The following ATP13A2 variants were observed in gnomAD, a reference collection of about 807,000 sequenced individuals.
The protein encoded by ATP13A2 is polyamine-transporting ATPase 13A2.
ATP13A2 carries 83 observed loss-of-function variants against 138.3 expected under a neutral mutation model. The ratio of observed to expected loss-of-function variants is 0.60; its 90% CI spans 0.50 to 0.72. The LOEUF is 0.72. ATP13A2 is among the 30% of genes least tolerant of loss of function. The pLI is 0.00. For missense variants in ATP13A2, 1,402 were observed against 1,606.4 expected (o/e 0.87, Z 2.17); for synonymous variants, 663 against 699.0 (o/e 0.95, Z 0.81).
chr1:16,996,703 A>G (rs2076602), intron 12 of ATP13A2: 2 of 621,234 alleles, frequency 3.2e-6, no homozygotes, highest in Non-Finnish European at 5.7e-6. Flanking sequence ...GATAGCATCT[A>G]AACACTGGGT....
chr1:16,991,723 T>C lies in ATP13A2; in HGVS notation c.2251+11A>G, dbSNP rs1220518916. The C allele has an allele frequency of 6.2e-7, 1 of 1,614,060 alleles. No individual in the cohort carries two copies. On this transcript the variant is annotated intron_variant, in intron 20 of 28. Transcript: ENST00000326735. The stretch of plus-strand genomic sequence containing the variant: ...TGCCCTGCTAGCCCGGGCCCCTACA[T>C]GCCATTGTACCTGTCACCATGACGG...
intron 6 of ATP13A2, 30 bp from the exon 7 acceptor site, chr1:17,002,403 G>C (rs2077394582): frequency 6.2e-7 from 1 of 1,605,722 alleles, no homozygotes; most frequent in South Asian, 1.1e-5. Context: ...GACACGCATG[G>C]GCCATGGGGC....
At position 17,005,722 on chromosome 1, in the gene ATP13A2, T is replaced by C; in HGVS notation, c.67A>G (p.Thr23Ala). 1 of 1,613,748 alleles carries C rather than the reference T, an allele frequency of 6.2e-7. No individual in the cohort carries two copies. The highest frequency in any genetic ancestry group is 8.5e-7 in the Non-Finnish European group (1 of 1,179,866). ...PTGYGTLTIG[T>A]SIDPLSSSVS... ...GAGGAGCTGAGGGGATCTATTGATG[T>C]CCCTATCGTCAGGGTCCCATAACCG... is the stretch of plus-strand genomic sequence containing the variant. Residue 23 changes from threonine (T) to alanine (A), a missense_variant, in exon 2 of 29, where the codon ACA (threonine) becomes GCA (alanine). Physicochemically the swap from Thr to Ala is moderately conservative, Grantham distance 58. Transcript: ENST00000326735.
chr1:16,989,723 C>T lies in ATP13A2; in HGVS notation c.2577G>A (p.Lys859=). ...TVFARMAPEQ[K]TELVCELQKL... ...TCTGTAGCTCGCACACCAGCTCTGT[C>T]TTCTGCTCAGGGGCCATGCGGGCAA... The change falls in exon 23 of 29, where the codon AAG becomes AAA. Residue 859 remains lysine (K), a synonymous_variant. Transcript: ENST00000326735. 1 of 1,614,122 alleles carries T rather than the reference C, an allele frequency of 6.2e-7. No individual in the cohort carries two copies. Among genetic ancestry groups the T allele is most frequent in the Non-Finnish European group, 8.5e-7 (1 of 1,180,036 alleles).
In ATP13A2 at chr1:17,011,815, C is replaced by T. The variant is rs1388622583; in HGVS notation, c.-77G>A. ...GCCCCGGCGTGCGCAAGGCCCTGGG[C>T]GGGGGCGCGGTCCGGACGGCCCGGG... On this transcript the variant is annotated 5_prime_UTR_variant, in exon 1 of 29. Coordinates refer to ENST00000326735, the MANE Select transcript of ATP13A2 (RefSeq NM_022089.4). The surrounding 1 kb of genome is among the most constrained non-coding windows in gnomAD (Gnocchi z 7.3). The T allele has an allele frequency of 2.6e-6, 3 of 1,149,662 alleles. No homozygotes were observed. Among genetic ancestry groups the T allele is most frequent in the Non-Finnish European group, 3.2e-6 (3 of 940,444 alleles). The allele number at this position is 1,149,662 out of a possible 1,614,324, so 71.2% of individuals were successfully genotyped here.
chr1:16,992,193 C>G (rs1295070053), intron 18 of ATP13A2, 50 bp downstream of exon 18: 2 of 1,611,394 alleles, frequency 1.2e-6, no homozygotes, highest in Non-Finnish European at 1.7e-6. Flanking sequence ...GTACCCACCC[C>G]ATTCTGTGCC....
In ATP13A2 at chr1:16,991,860, T is replaced by G; in HGVS notation, c.2127-2A>C. The G allele has an allele frequency of 1.2e-6, 2 of 1,614,084 alleles. No homozygotes were observed. Among genetic ancestry groups the G allele is most frequent in the Non-Finnish European group, 1.7e-6 (2 of 1,180,040 alleles). On this transcript the variant is annotated splice_acceptor_variant, in intron 19 of 28. Coordinates refer to ENST00000326735, the MANE Select transcript of ATP13A2 (RefSeq NM_022089.4). LOFTEE classifies it high-confidence loss of function. ...CTCAGGTCTCCTTCCACAGTGTCCCTGGAGGGTGGGCAGACCTGGATCAGA... is the reference window on the plus strand; with the variant it reads ...CTCAGGTCTCCTTCCACAGTGTCCCGGGAGGGTGGGCAGACCTGGATCAGA...
rs756071133 is a variant in ATP13A2, at chr1:16,986,330, C to A, written c.3434G>T (p.Cys1145Phe). ...ESVLDQCLPA[C>F]LRRLRPKRAS... is the part of the protein sequence containing the mutation. ...CCGCTTGGGCCGGAGGCGGCGCAGG[C>A]AGGCGGGGAGGCACTGGTCTAGCAC... The change falls in exon 29 of 29, where the codon TGC (cysteine) becomes TTC (phenylalanine). Residue 1145 changes from cysteine (C) to phenylalanine (F), a missense_variant. Coordinates refer to ENST00000326735, the MANE Select transcript of ATP13A2 (RefSeq NM_022089.4). The surrounding 1 kb of genome is among the most constrained non-coding windows in gnomAD (Gnocchi z 6.9). 3 of 1,581,948 alleles carry A rather than the reference C, an allele frequency of 1.9e-6. No homozygotes were observed. The highest frequency in any genetic ancestry group is 2.3e-5 in the East Asian group (1 of 43,334).
chr1:16,989,113 A>C (rs2076834748), intron 23 of ATP13A2, among the ~76,000 whole-genome samples: 1 of 150,992 alleles, frequency 6.6e-6, no homozygotes, highest in South Asian at 2.1e-4. Flanking sequence ...ACAGGGTTTC[A>C]CCATGTTGGC....
intron 11 of ATP13A2, among the ~76,000 whole-genome samples, chr1:16,997,426 G>GGGGGGGGA (rs2077178291): frequency 3.6e-5 from 5 of 139,278 alleles, no homozygotes; most frequent in African/African-American, 8.1e-5. Flanking sequence ...GGGGGGGGTG[G>GGGGGGGGA]GTCAGACAGA....
In ATP13A2 at chr1:16,986,646, A is replaced by G; in HGVS notation, c.3236-14T>C. 1 of 1,602,464 alleles carries G rather than the reference A, an allele frequency of 6.2e-7. No individual in the cohort carries two copies. On this transcript the variant is annotated splice_polypyrimidine_tract_variant and intron_variant, in intron 27 of 28. Coordinates refer to ENST00000326735, the MANE Select transcript of ATP13A2 (RefSeq NM_022089.4). The surrounding 1 kb of genome is among the most constrained non-coding windows in gnomAD (Gnocchi z 6.9). The stretch of plus-strand genomic sequence containing the variant: ...CCAGGAAGGGCACTGGGAGCAGGAG[A>G]GTCTCTCAGGCAGGAGCCACGCCCC...
At chr1:17,001,956 C>A in intron 8 of ATP13A2, 78 bp downstream of exon 8, 1 of 1,472,274 alleles carries the variant, frequency 6.8e-7, no homozygotes, top group Non-Finnish European at 9.2e-7. Flanking sequence ...CGTAAAGTGG[C>A]CCAGAGGAGG....
chr1:16,995,638 G>T lies in ATP13A2; in HGVS notation c.1542+338C>A. 2.6e-6 allele frequency: 1 copy of T among 390,084 alleles called. No individual in the cohort carries two copies. The highest frequency in any genetic ancestry group is 6.1e-5 in the East Asian group (1 of 16,286). 24.2% of individuals were successfully genotyped at this position (390,084 alleles called of 1,614,324 possible). On this transcript the variant is annotated intron_variant, in intron 15 of 28. Transcript: ENST00000326735. This position sits in a 1 kb window ranked among gnomAD's most constrained non-coding sequence, Gnocchi z 4.1. ...AACTTTTGTATTTTTAGTAGACGGG[G>T]TTTTGCCATGTTGGTCAGGCTGGTC...
At position 17,004,348 on chromosome 1, in the gene ATP13A2, C is replaced by T; in HGVS notation, c.541G>A (p.Ala181Thr). The T allele has an allele frequency of 1.2e-6, 2 of 1,614,000 alleles. No homozygotes were observed. The highest frequency in any genetic ancestry group is 1.1e-5 in the South Asian group (1 of 91,042). ...GACTCCTACCTGACCTGGTAGAAGG[C>T]TTGCTGGGTCTCGATCCAGATATAG... Reference protein sequence around the residue: ...QRYIWIETQQAFYQVSLLDHG... With the variant: ...QRYIWIETQQTFYQVSLLDHG... Residue 181 changes from alanine to threonine, a missense_variant, in exon 6 of 29, where the codon GCC becomes ACC. By Grantham distance (58) the Ala-to-Thr change is moderately conservative. Coordinates refer to ENST00000326735, the MANE Select transcript of ATP13A2 (RefSeq NM_022089.4). The surrounding 1 kb of genome is among the most constrained non-coding windows in gnomAD (Gnocchi z 4.1).
intron 21 of ATP13A2, 40 bp from the exon 22 acceptor site, chr1:16,990,043 C>A: frequency 1.2e-6 from 2 of 1,613,484 alleles, no homozygotes; most frequent in Non-Finnish European, 1.7e-6. Context: ...CCCCTGCCCA[C>A]CCTGGAGAGT....
intron 3 of ATP13A2, 52 bp downstream of exon 3, chr1:17,005,322 G>C: frequency 6.4e-7 from 1 of 1,555,468 alleles, no homozygotes; most frequent in African/African-American, 1.4e-5. Flanking sequence ...CTCCACCCCC[G>C]ACCCTGACCC....
At chr1:17,002,452 T>C (rs988602384) in intron 6 of ATP13A2, 79 bp from the exon 7 acceptor site, 1 of 1,508,872 alleles carries the variant, frequency 6.6e-7, no homozygotes, top group Non-Finnish European at 9.1e-7. Flanking sequence ...GGCTGGAGAC[T>C]ATGGGCTCTA....
Position 16,990,255 on chromosome 1 carries a change from G to C in ATP13A2, c.2284C>G (p.Arg762Gly). The C allele has an allele frequency of 6.2e-7, 1 of 1,614,024 alleles. No individual in the cohort carries two copies. Among genetic ancestry groups the C allele is most frequent in the South Asian group, 1.1e-5 (1 of 91,084 alleles). The change falls in exon 21 of 29, where the codon CGG (arginine) becomes GGG (glycine). Residue 762 changes from arginine to glycine, a missense_variant. Physicochemically the swap from Arg to Gly is moderately radical, Grantham distance 125. Coordinates refer to ENST00000326735, the MANE Select transcript of ATP13A2 (RefSeq NM_022089.4). ...TGGGGGGCCACCATGCCACAGCCCCGGGCCACAGTCACCGCTGTCTGCAGG... is the reference window on the plus strand; with the variant it reads ...TGGGGGGCCACCATGCCACAGCCCCCGGCCACAGTCACCGCTGTCTGCAGG... Reference protein sequence around the residue: ...DNLQTAVTVARGCGMVAPQEH... With the variant: ...DNLQTAVTVAGGCGMVAPQEH...
chr1:16,996,762 C>G, intron 12 of ATP13A2: 1 of 622,998 alleles, frequency 1.6e-6, no homozygotes, highest in Non-Finnish European at 2.8e-6. Flanking sequence ...CTGCCCGCTA[C>G]ATCCCTGCCC....
Sources: gnomAD v4.1 joint callset for allele counts (sites outside exome capture counted in the v4.1 genomes callset) on GRCh38, gnomAD v4.1.1 for gene constraint, Gnocchi (gnomAD v3.1) non-coding constraint, MANE v1.5 for transcripts, NCBI Gene and HGNC (gene_info 2026-07-23, HGNC 2026-07-21) for gene names.